The following RIC1 variants were observed in gnomAD, a reference collection of about 807,000 sequenced individuals.
The protein encoded by RIC1 is guanine nucleotide exchange factor subunit RIC1.
A neutral mutation model predicts 169.0 loss-of-function variants in RIC1; 88 were observed. The ratio of observed to expected loss-of-function variants is 0.52; its 90% CI spans 0.44 to 0.62. The LOEUF (loss-of-function observed/expected upper bound fraction) is 0.62. Ranked by LOEUF, RIC1 falls within the 20% of genes least tolerant of loss-of-function variation. The pLI is 0.00. For missense variants in RIC1, 1,877 were observed against 1,725.5 expected (o/e 1.09, Z -1.56); for synonymous variants, 790 against 601.5 (o/e 1.31, Z -4.59).
intron 2 of RIC1, among the ~76,000 whole-genome samples, chr9:5,669,231 C>G (rs915049048): frequency 6.6e-6 from 1 of 152,178 alleles, no homozygotes; most frequent in Admixed American, 6.5e-5. Flanking sequence ...GCACCCATCA[C>G]CCAAGCAGTG....
chr9:5,769,265 G>C lies in RIC1; in HGVS notation c.3424+9G>C. On this transcript the variant is annotated intron_variant, in intron 22 of 25. Coordinates refer to ENST00000414202, the MANE Select transcript of RIC1 (RefSeq NM_020829.4). ...TGGAAAATACCGAACTGGTAATGTA[G>C]ACTTCATGTCACTTGTACAAGGAGA... 6.2e-7 allele frequency: 1 copy of C among 1,613,908 alleles called. No individual in the cohort carries two copies. The highest frequency in any genetic ancestry group is 1.1e-5 in the South Asian group (1 of 91,070).
chr9:5,720,465 G>A, intron 5 of RIC1, 141 bp downstream of exon 5: 2 of 1,118,154 alleles, frequency 1.8e-6, no homozygotes, highest in East Asian at 4.9e-5. Context: ...GGGTGAGAGA[G>A]GCATTTAATA....
intron 25 of RIC1, among the ~76,000 whole-genome samples, chr9:5,773,552 T>C (rs1745453471): frequency 6.6e-6 from 1 of 152,190 alleles, no homozygotes; most frequent in Admixed American, 6.5e-5. Context: ...TTATTACCAG[T>C]TAATGTGTGT....
chr9:5,684,333 C>G (rs1374800365), intron 2 of RIC1, among the ~76,000 whole-genome samples: 1 of 125,778 alleles, frequency 8.0e-6, no homozygotes, highest in East Asian at 2.6e-4. Flanking sequence ...GAAATGTCTG[C>G]TGGGAGTTTG....
intron 3 of RIC1, among the ~76,000 whole-genome samples, chr9:5,710,250 G>C (rs1822853411): frequency 1.3e-5 from 2 of 152,174 alleles, no homozygotes; most frequent in African/African-American, 4.8e-5. Context: ...GAGATTGCTT[G>C]AAAACACTGA....
At chr9:5,729,082 T>C (rs1824191886) in intron 6 of RIC1, among the ~76,000 whole-genome samples, 1 of 152,236 alleles carries the variant, frequency 6.6e-6, no homozygotes, top group African/African-American at 2.4e-5. Flanking sequence ...CAGTCCTTTC[T>C]AGAGGATATA....
chr9:5,735,191 G>C (rs1323457964), intron 7 of RIC1, among the ~76,000 whole-genome samples: 1 of 151,482 alleles, frequency 6.6e-6, no homozygotes, highest in African/African-American at 2.4e-5. Flanking sequence ...TCCTAGATTT[G>C]CCTTATTGTT....
chr9:5,723,659 C>T (rs1425129197), intron 6 of RIC1, among the ~76,000 whole-genome samples: 1 of 152,242 alleles, frequency 6.6e-6, no homozygotes, highest in Middle Eastern at 3.4e-3. Context: ...ATGGTATTGT[C>T]TAGGTTTTCT....
chr9:5,683,977 T>C (rs1304996732), intron 2 of RIC1, among the ~76,000 whole-genome samples: 1 of 152,190 alleles, frequency 6.6e-6, no homozygotes, highest in African/African-American at 2.4e-5. Context: ...GTATGCCATT[T>C]GTTAACCCTG....
At chr9:5,741,176 C>G (rs1446542278) in intron 8 of RIC1, among the ~76,000 whole-genome samples, 1 of 152,140 alleles carries the variant, frequency 6.6e-6, no homozygotes, top group African/African-American at 2.4e-5. Context: ...CATTGGATTT[C>G]CATTGCAGCT....
At chr9:5,644,469 T>G (rs1818404241) in intron 1 of RIC1, among the ~76,000 whole-genome samples, 1 of 152,204 alleles carries the variant, frequency 6.6e-6, no homozygotes, top group African/African-American at 2.4e-5. Context: ...AGTCTGGGCT[T>G]TTAGTGTAAT....
intron 10 of RIC1, among the ~76,000 whole-genome samples, chr9:5,745,347 A>T (rs548339699): frequency 2.0e-5 from 3 of 152,332 alleles, no homozygotes; most frequent in African/African-American, 7.2e-5. Flanking sequence ...CTAGTTACAG[A>T]ATATTAAAAC....
intron 17 of RIC1, among the ~76,000 whole-genome samples, chr9:5,761,102 A>AT (rs1826303742): frequency 1.3e-5 from 1 of 79,188 alleles, no homozygotes; most frequent in African/African-American, 4.7e-5. Context: ...TACCAGCCTC[A>AT]CCTTTTTTTT....
At chr9:5,689,240 A>G (rs1821450846) in intron 2 of RIC1, among the ~76,000 whole-genome samples, 1 of 151,426 alleles carries the variant, frequency 6.6e-6, no homozygotes, top group South Asian at 2.1e-4. Flanking sequence ...TTTAGTAGAG[A>G]CAGGGTTTCA....
chr9:5,641,196 A>G (rs1818223203), intron 1 of RIC1, among the ~76,000 whole-genome samples: 1 of 149,934 alleles, frequency 6.7e-6, no homozygotes, highest in African/African-American at 2.5e-5. Flanking sequence ...GGTTCACGCC[A>G]TTCTCCAGCC....
At chr9:5,750,032 C>T (rs1029176713) in intron 12 of RIC1, among the ~76,000 whole-genome samples, 4 of 152,022 alleles carry the variant, frequency 2.6e-5, no homozygotes, top group Non-Finnish European at 4.4e-5. Context: ...CTGCCTCAGC[C>T]TCCCAAAGTA....
intron 15 of RIC1, among the ~76,000 whole-genome samples, chr9:5,755,791 C>T (rs1586697196): frequency 6.6e-6 from 1 of 152,094 alleles, no homozygotes; most frequent in Non-Finnish European, 1.5e-5. Context: ...GGTATGGTGG[C>T]ACACCCCTGT....
chr9:5,694,150 T>A (rs1409145245), intron 3 of RIC1, among the ~76,000 whole-genome samples: 2 of 152,204 alleles, frequency 1.3e-5, no homozygotes, highest in African/African-American at 2.4e-5. Context: ...AGGTTAGCAA[T>A]TTTTAACTTC....
intron 17 of RIC1, among the ~76,000 whole-genome samples, chr9:5,761,721 C>G (rs767044820): frequency 1.3e-5 from 2 of 152,108 alleles, no homozygotes; most frequent in Non-Finnish European, 2.9e-5. Flanking sequence ...ATGTTCCTTC[C>G]TCTTTACAGA....
Sources: gnomAD v4.1 joint callset for allele counts (sites outside exome capture counted in the v4.1 genomes callset) on GRCh38, gnomAD v4.1.1 for gene constraint, MANE v1.5 for transcripts, NCBI Gene and HGNC (gene_info 2026-07-23, HGNC 2026-07-21) for gene names.